ITPR1: variants seen among roughly 807,000 people sequenced by gnomAD.
The protein encoded by ITPR1 is inositol 1,4,5-trisphosphate-gated calcium channel ITPR1.
ITPR1 carries 96 observed loss-of-function variants against 318.4 expected under a neutral mutation model. That is an observed-to-expected ratio of 0.30 (90% CI 0.26 to 0.36). The LOEUF (loss-of-function observed/expected upper bound fraction) is 0.36, where lower values mean the gene tolerates loss of function less well. Ranked by LOEUF, ITPR1 falls within the 10% of genes least tolerant of loss-of-function variation. The probability of loss-of-function intolerance (pLI) is 1.00; values close to 1 mark genes in which losing one functional copy is unlikely to be tolerated. For synonymous variants in ITPR1, 1,312 were observed against 1,289.9 expected, an observed-to-expected ratio of 1.02 and a Z score of -0.37; for missense variants, 2,440 against 3,460.2, an observed-to-expected ratio of 0.71 and a Z score of 7.40.
intron 2 of ITPR1, 118 bp from the exon 3 acceptor site, chr3:4,516,358 A>G: frequency 5.4e-6 from 3 of 553,830 alleles, no homozygotes; most frequent in Non-Finnish European, 9.5e-6. Context: ...CTGTTATTTA[A>G]ATTTGACTTT....
intron 26 of ITPR1, among the ~76,000 whole-genome samples, chr3:4,681,635 G>GTGTGTC (rs2094303293): frequency 6.6e-6 from 1 of 151,332 alleles, no homozygotes; most frequent in Non-Finnish European, 1.5e-5. Context: ...GTGTGTGTGT[G>GTGTGTC]TGTGTGTGTG....
intron 13 of ITPR1, among the ~76,000 whole-genome samples, chr3:4,660,562 G>T (rs1443544723): frequency 2.6e-5 from 4 of 151,794 alleles, no homozygotes; most frequent in Admixed American, 2.0e-4. Flanking sequence ...TGCAAGATTA[G>T]TAAATACTCA....
In ITPR1 at chr3:4,732,456, C is replaced by T. The variant is rs540818049; in HGVS notation, c.5221-632C>T. ...CTCCTGTATTGTTTTAAAGAAGATT[C>T]CAGACAAAATGCCATTTTACCTATG... is the stretch of plus-strand genomic sequence containing the variant. On this transcript the variant is annotated intron_variant, in intron 42 of 61. Transcript: ENST00000649015. Among the ~76,000 whole-genome samples, 7 of 142,618 alleles carry T rather than the reference C, an allele frequency of 4.9e-5. No homozygotes were observed. The East Asian group carries it at 1.5e-3, about 30-fold the overall frequency. The allele number at this position is 142,618 out of a possible 152,430, so 93.6% of individuals were successfully genotyped here. A position where few individuals can be genotyped will look rare whatever the true frequency, so the allele number is the denominator to read the frequency against.
At chr3:4,701,593 C>G (rs1457500678) in intron 35 of ITPR1, among the ~76,000 whole-genome samples, 1 of 152,216 alleles carries the variant, frequency 6.6e-6, no homozygotes, top group Non-Finnish European at 1.5e-5. Flanking sequence ...GCCAGGTGAA[C>G]TTCATGGAAA....
intron 61 of ITPR1, among the ~76,000 whole-genome samples, chr3:4,839,164 C>G (rs1353161019): frequency 6.6e-6 from 1 of 152,130 alleles, no homozygotes; most frequent in Non-Finnish European, 1.5e-5. Flanking sequence ...CCTGTCTTTA[C>G]TAAAAATACA....
chr3:4,836,110 G>A (rs1446190142), intron 60 of ITPR1, among the ~76,000 whole-genome samples: 1 of 152,162 alleles, frequency 6.6e-6, no homozygotes, highest in African/African-American at 2.4e-5. Flanking sequence ...GAACACCTGG[G>A]ACCTTAAAAT....
intron 2 of ITPR1, among the ~76,000 whole-genome samples, chr3:4,496,009 ATT>A (rs1293269046): frequency 2.6e-5 from 4 of 152,250 alleles, no homozygotes; most frequent in South Asian, 2.1e-4. Flanking sequence ...TTGAGGAGGT[ATT>A]AGATACTGTA....
chr3:4,727,034 G>A (rs1048469060), intron 41 of ITPR1, 92 bp from the exon 42 acceptor site: 2 of 1,047,010 alleles, frequency 1.9e-6, no homozygotes, highest in African/African-American at 1.6e-5. Flanking sequence ...GTCTATATAT[G>A]AACTCTCAAT....
At chr3:4,805,074 G>T (rs1415520083) in intron 54 of ITPR1, among the ~76,000 whole-genome samples, 1 of 152,190 alleles carries the variant, frequency 6.6e-6, no homozygotes, top group Non-Finnish European at 1.5e-5. Flanking sequence ...GTTCAGTTAG[G>T]ACTCCTTCAG....
At chr3:4,727,269 G>GT (rs769962698) in intron 42 of ITPR1, 96 bp downstream of exon 42, 33 of 849,564 alleles carry the variant, frequency 3.9e-5, no homozygotes, top group Non-Finnish European at 5.6e-5. Flanking sequence ...AGCTTTTGTT[G>GT]TTGATATTGT....
chr3:4,636,325 G>C (rs1381747458), intron 5 of ITPR1, among the ~76,000 whole-genome samples: 1 of 152,196 alleles, frequency 6.6e-6, no homozygotes, highest in Non-Finnish European at 1.5e-5. Context: ...TAATTCAGTG[G>C]TGATGTGAAG....
intron 40 of ITPR1, among the ~76,000 whole-genome samples, chr3:4,723,851 C>G (rs1030935840): frequency 6.6e-6 from 1 of 152,012 alleles, no homozygotes; most frequent in African/African-American, 2.4e-5. Context: ...ATACTTCTGT[C>G]TATATCTCTG....
chr3:4,594,014 T>C (rs1216859522), intron 4 of ITPR1, among the ~76,000 whole-genome samples: 2 of 152,086 alleles, frequency 1.3e-5, no homozygotes, highest in African/African-American at 4.8e-5. Flanking sequence ...GTGGGAGATA[T>C]GATATGGGAA....
intron 5 of ITPR1, among the ~76,000 whole-genome samples, chr3:4,637,802 A>C (rs546859906): frequency 2.6e-5 from 4 of 152,352 alleles, no homozygotes; most frequent in African/African-American, 9.6e-5. Flanking sequence ...CCTGTGTTCC[A>C]GGTAGAAATG....
chr3:4,717,449 G>T, intron 40 of ITPR1, 50 bp downstream of exon 40: 1 of 1,419,470 alleles, frequency 7.0e-7, no homozygotes, highest in African/African-American at 1.4e-5. Flanking sequence ...TGGTGTTTCC[G>T]TGACACCTTC....
At chr3:4,572,917 G>T (rs889409021) in intron 4 of ITPR1, among the ~76,000 whole-genome samples, 2 of 152,148 alleles carry the variant, frequency 1.3e-5, no homozygotes, top group African/African-American at 4.8e-5. Context: ...CATGTAACAT[G>T]ATTTCCTTCA....
intron 46 of ITPR1, 92 bp from the exon 47 acceptor site, chr3:4,775,150 A>G (rs562938373): frequency 3.3e-6 from 3 of 921,782 alleles, no homozygotes; most frequent in African/African-American, 3.3e-5. Flanking sequence ...ATAATTACCA[A>G]CCTATTAGAG....
intron 48 of ITPR1, among the ~76,000 whole-genome samples, 151 bp downstream of exon 48, chr3:4,777,525 A>G: frequency 6.6e-6 from 1 of 152,244 alleles, no homozygotes. Flanking sequence ...GCTGACTACG[A>G]TGCAGAACTC....
chr3:4,559,397 T>C (rs2086455812), intron 4 of ITPR1, among the ~76,000 whole-genome samples: 1 of 152,228 alleles, frequency 6.6e-6, no homozygotes, highest in Non-Finnish European at 1.5e-5. Context: ...AAAATTTTAA[T>C]GGTTAAAAAG....
Sources: allele counts gnomAD v4.1 joint callset (sites outside exome capture counted in the v4.1 genomes callset), GRCh38; gene constraint gnomAD v4.1.1; transcripts MANE v1.5; gene names NCBI Gene and HGNC (gene_info 2026-07-23, HGNC 2026-07-21).